The following SLC14A2 variants were observed in gnomAD, a reference collection of about 807,000 sequenced individuals.
SLC14A2 encodes the protein urea transporter 2.
In SLC14A2, 91 loss-of-function variants were observed where a neutral mutation model predicts 104.6. The ratio of observed to expected loss-of-function variants is 0.87; its 90% CI spans 0.73 to 1.04. The LOEUF (loss-of-function observed/expected upper bound fraction) is 1.04. Among genes scored for constraint, SLC14A2 ranks in the 50% least tolerant of loss-of-function variants. SLC14A2 has a pLI of 0.00. For missense variants in SLC14A2, 1,189 were observed against 1,156.0 expected, an observed-to-expected ratio of 1.03 and a Z score of -0.41; for synonymous variants, 476 against 466.4, an observed-to-expected ratio of 1.02 and a Z score of -0.27.
intron 1 of SLC14A2, among the ~76,000 whole-genome samples, chr18:45,372,316 C>CAATAATAAT (rs59063935): frequency 0.11 from 15,680 of 148,364 alleles, 937 homozygotes; most frequent in African/African-American, 0.13. Flanking sequence ...GTCTCAAAAA[C>CAATAATAAT]AATAATAATA....
intron 1 of SLC14A2, among the ~76,000 whole-genome samples, chr18:45,413,420 T>C (rs2144496899): frequency 6.6e-6 from 1 of 152,282 alleles, no homozygotes; most frequent in Admixed American, 6.5e-5. Context: ...ATGAAGGTGG[T>C]TCCATCAAAG....
the SLC14A2 span, among the ~76,000 whole-genome samples, chr18:45,191,794 G>A: frequency 1.3e-5 from 2 of 152,166 alleles, no homozygotes; most frequent in African/African-American, 4.8e-5. Flanking sequence ...AATTTATGTA[G>A]TAATTGGGAG....
At chr18:45,514,753 A>C (rs1161925137) in intron 2 of SLC14A2, among the ~76,000 whole-genome samples, 1 of 152,218 alleles carries the variant, frequency 6.6e-6, no homozygotes, top group East Asian at 1.9e-4. Context: ...AGTAAAGCCC[A>C]ACTTATACCC....
At chr18:45,249,164 A>G (rs1371498075) in intron 1 of SLC14A2, among the ~76,000 whole-genome samples, 2 of 152,202 alleles carry the variant, frequency 1.3e-5, no homozygotes, top group African/African-American at 4.8e-5. Flanking sequence ...TCCATTTATA[A>G]GCGTGTTTGC....
At chr18:45,571,935 C>T (rs1215757398) in intron 2 of SLC14A2, among the ~76,000 whole-genome samples, 1 of 152,220 alleles carries the variant, frequency 6.6e-6, no homozygotes, top group Non-Finnish European at 1.5e-5. Flanking sequence ...CAGTGGTTCA[C>T]TCCCTGGCTG....
chr18:45,266,779 A>C (rs1203675543), intron 1 of SLC14A2, among the ~76,000 whole-genome samples: 2 of 152,136 alleles, frequency 1.3e-5, no homozygotes, highest in Non-Finnish European at 2.9e-5. Context: ...TTGTATAGCT[A>C]TGGCTGTCTG....
chr18:45,468,179 G>C (rs1188797114), intron 1 of SLC14A2, among the ~76,000 whole-genome samples: 1 of 152,062 alleles, frequency 6.6e-6, no homozygotes, highest in East Asian at 1.9e-4. Flanking sequence ...GATGCAGGAG[G>C]CATTAAGCCA....
rs190728661 is a variant in SLC14A2 at position 45,530,913 on chromosome 18, T to C, written c.-35+47591T>C. Among the ~76,000 whole-genome samples, 1,170 of 152,052 alleles carry C rather than the reference T, an allele frequency of 7.7e-3. 19 individuals carry two copies. Among genetic ancestry groups the C allele is most frequent in the South Asian group, 0.062 (297 of 4,792 alleles). ...CCCTTCCTATGTCCATGTGTTCTCA[T>C]TGTTCAGTTCCCACCTATGAGTGAG... On this transcript the variant is annotated intron_variant, in intron 2 of 20. Coordinates refer to the SLC14A2 transcript ENST00000586448.
At chr18:45,497,182 G>A (rs939821826) in intron 2 of SLC14A2, among the ~76,000 whole-genome samples, 12 of 152,178 alleles carry the variant, frequency 7.9e-5, no homozygotes, top group Admixed American at 6.5e-5. Context: ...GAGGCAGAAA[G>A]TGATTGCTGG....
At chr18:45,552,630 G>A in intron 2 of SLC14A2, among the ~76,000 whole-genome samples, 1 of 152,202 alleles carries the variant, frequency 6.6e-6, no homozygotes, top group East Asian at 1.9e-4. Flanking sequence ...AAAACAAAAT[G>A]GATGAGGGAG....
rs551898329 is a variant in SLC14A2, at chr18:45,666,706, A to T, written c.1558-229A>T. On this transcript the variant is annotated intron_variant, in intron 12 of 19. Transcript: ENST00000255226. ...CACTTGCCAGAGTCCTCCTCCACAG[A>T]ACGAAAGTAAAGATGTTATCTTACT... Among the ~76,000 whole-genome samples, 8 of 152,330 alleles carry T rather than the reference A, an allele frequency of 5.3e-5. No individual in the cohort carries two copies. In the South Asian group the frequency reaches 1.5e-3, roughly 28 times the overall value.
In SLC14A2 at chr18:45,667,077, G is replaced by A. The variant is rs201689133; in HGVS notation, c.1700G>A (p.Cys567Tyr). The change falls in exon 13 of 20, where the codon TGT becomes TAT. Residue 567 changes from cysteine to tyrosine, a missense_variant. Cys to Tyr is a radical substitution (Grantham distance 194). Transcript: ENST00000255226. ...LSYITGEMKE[C>Y]GEGLKDKSPV... ...TACATCACAGGAGAGATGAAGGAGT[G>A]TGGAGAGGGACTTAAAGGTAAAATT... 6.2e-7 allele frequency: 1 copy of A among 1,613,756 alleles called. No homozygotes were observed. Among genetic ancestry groups the A allele is most frequent in the Non-Finnish European group, 8.5e-7 (1 of 1,179,782 alleles).
At chr18:45,388,570 G>C (rs934898279) in intron 1 of SLC14A2, among the ~76,000 whole-genome samples, 1 of 152,046 alleles carries the variant, frequency 6.6e-6, no homozygotes, top group Non-Finnish European at 1.5e-5. Context: ...CCAAGATTGC[G>C]AATACCTGGG....
At chr18:45,473,477 A>AT (rs147859370) in intron 1 of SLC14A2, among the ~76,000 whole-genome samples, 31,824 of 152,050 alleles carry the variant, frequency 0.21, 3,709 homozygotes, top group Non-Finnish European at 0.27. Flanking sequence ...CAGTATGGCC[A>AT]TTTCATAATA....
intron 1 of SLC14A2, among the ~76,000 whole-genome samples, chr18:45,215,090 T>C (rs755119170): frequency 2.0e-5 from 3 of 152,158 alleles, no homozygotes; most frequent in Non-Finnish European, 2.9e-5. Context: ...GAAAGGCTTC[T>C]TAAAAGATGA....
chr18:45,233,515 C>T (rs1428651838), intron 1 of SLC14A2, among the ~76,000 whole-genome samples: 1 of 152,148 alleles, frequency 6.6e-6, no homozygotes, highest in Non-Finnish European at 1.5e-5. Context: ...ATTTCATGGT[C>T]TTGCCCGGGC....
In SLC14A2 at chr18:45,317,623, AT is replaced by A. The variant is rs1268781116; in HGVS notation, c.-125+104433del. 2.0e-5 allele frequency among the ~76,000 whole-genome samples: 3 copies of A among 152,096 alleles called. No individual in the cohort carries two copies. In the East Asian group the frequency reaches 5.8e-4, roughly 29 times the overall value. ...TAAGGAGGTTGTAATATGGGGAGGGATGATTTCCGGTCAGAGCCCCGAGGCA... is the reference window on the plus strand; with the variant it reads ...TAAGGAGGTTGTAATATGGGGAGGGAGATTTCCGGTCAGAGCCCCGAGGCA... On this transcript the variant is annotated intron_variant, in intron 1 of 20. Transcript: ENST00000586448.
intron 1 of SLC14A2, among the ~76,000 whole-genome samples, chr18:45,339,014 G>A (rs967901805): frequency 6.6e-6 from 1 of 151,708 alleles, no homozygotes; most frequent in Non-Finnish European, 1.5e-5. Context: ...TTTGCTCACT[G>A]CAGCCTCCTC....
At chr18:45,590,742 A>T (rs2044635862) in intron 2 of SLC14A2, among the ~76,000 whole-genome samples, 1 of 152,246 alleles carries the variant, frequency 6.6e-6, no homozygotes, top group South Asian at 2.1e-4. Context: ...CCCAGCTGCC[A>T]GGGACAGCTT....
Sources: allele counts gnomAD v4.1 joint callset (sites outside exome capture counted in the v4.1 genomes callset), GRCh38; gene constraint gnomAD v4.1.1; transcripts MANE v1.5; gene names NCBI Gene and HGNC (gene_info 2026-07-23, HGNC 2026-07-21).